Variants in RSPH14 observed in about 807,000 individuals in gnomAD.
RSPH14 encodes the protein radial spoke head 14 homolog, also known as rhabdoid tumor deletion region gene 1.
A neutral mutation model predicts 26.7 loss-of-function variants in RSPH14; 20 were observed. The ratio of observed to expected loss-of-function variants is 0.75; its 90% confidence interval spans 0.53 to 1.09. The LOEUF (loss-of-function observed/expected upper bound fraction) is 1.09. RSPH14 is among the 50% of genes least tolerant of loss of function. The pLI is 0.00. For synonymous variants in RSPH14, 177 were observed against 189.3 expected (o/e 0.93, Z 0.53); for missense variants, 449 against 457.2 (o/e 0.98, Z 0.16).
chr22:23,180,555 G>A, the RSPH14 span: 1 of 180,492 alleles, frequency 5.5e-6, no homozygotes. Context: ...GGCTGGCTGA[G>A]CTTAGCGTCC....
At chr22:23,107,021 C>T (rs568770102) in intron 4 of RSPH14, among the ~76,000 whole-genome samples, 21 of 152,390 alleles carry the variant, frequency 1.4e-4, no homozygotes, top group East Asian at 9.6e-4. Flanking sequence ...GGGAGCAGCA[C>T]GCTCAGCTGT....
Position 23,141,986 on chromosome 22 carries a change from C to A in RSPH14, c.-90G>T. ...CCCTTTCTGCTTCCAGTAGCCCGCG[C>A]CACTGGCCAACCTATTCAGTTGCCA... On this transcript the variant is annotated 5_prime_UTR_variant, in exon 1 of 7. Transcript: ENST00000216036. The A allele has an allele frequency of 1.0e-6, 1 of 985,642 alleles. No individual in the cohort carries two copies. Among genetic ancestry groups the A allele is most frequent in the African/African-American group, 1.7e-5 (1 of 57,388 alleles). The allele number at this position is 985,642 out of a possible 1,614,324, so 61.1% of individuals were successfully genotyped here. A position where few individuals can be genotyped will look rare whatever the true frequency, so the allele number is the denominator to read the frequency against.
At chr22:23,140,196 G>A (rs1318982931) in intron 2 of RSPH14, 26 bp downstream of exon 2, 1 of 1,610,660 alleles carries the variant, frequency 6.2e-7, no homozygotes, top group Non-Finnish European at 8.5e-7. Context: ...CCCCAGTCAT[G>A]GTCACCTGTG....
At chr22:23,130,499 A>AAGAAAGAAAGAAAGAAAGAAC (rs1179229105) in intron 4 of RSPH14, among the ~76,000 whole-genome samples, 1 of 145,156 alleles carries the variant, frequency 6.9e-6, no homozygotes, top group Non-Finnish European at 1.5e-5. Context: ...GGAAAGAAAA[A>AAGAAAGAAAGAAAGAAAGAAC]GAAAGAAAGA....
chr22:23,087,037 C>A (rs5751579), intron 4 of RSPH14, among the ~76,000 whole-genome samples: 3 of 152,052 alleles, frequency 2.0e-5, no homozygotes. Context: ...CTTCCTCATT[C>A]GGCGAGGAGG....
intron 4 of RSPH14, among the ~76,000 whole-genome samples, chr22:23,081,781 C>G (rs1284886880): frequency 7.2e-6 from 1 of 139,686 alleles, no homozygotes. Context: ...GAGATCGTGC[C>G]ACTGCATTCC....
At chr22:23,128,957 G>A (rs774668799) in intron 4 of RSPH14, among the ~76,000 whole-genome samples, 3 of 152,154 alleles carry the variant, frequency 2.0e-5, no homozygotes, top group Non-Finnish European at 2.9e-5. Flanking sequence ...CATACCAATG[G>A]CCACCAGCAT....
intron 3 of RSPH14, among the ~76,000 whole-genome samples, chr22:23,135,218 A>C (rs2070445986): frequency 6.6e-6 from 1 of 151,616 alleles, no homozygotes; most frequent in African/African-American, 2.4e-5. Flanking sequence ...TCACGCCTGT[A>C]ATCCCAGCAC....
At chr22:23,073,160 CTGCTGACCATGGCAGG>C (rs1211404976) in intron 4 of RSPH14, among the ~76,000 whole-genome samples, 1 of 152,260 alleles carries the variant, frequency 6.6e-6, no homozygotes, top group African/African-American at 2.4e-5. Flanking sequence ...ACTCTCACTG[CTGCTGACCATGGCAGG>C]TGCACGGGCA....
At chr22:23,166,147 TAAAAAAAAAA>T in the RSPH14 span, among the ~76,000 whole-genome samples, 248 of 59,888 alleles carry the variant, frequency 4.1e-3, 2 homozygotes, top group African/African-American at 0.017. Context: ...CTCTGTCTTT[TAAAAAAAAAA>T]AAAAAAAAAA....
At chr22:23,081,563 T>C (rs887816576) in intron 4 of RSPH14, among the ~76,000 whole-genome samples, 2 of 151,036 alleles carry the variant, frequency 1.3e-5, no homozygotes, top group African/African-American at 5.0e-5. Flanking sequence ...GGTTCATGCC[T>C]GTAATCCCAG....
intron 4 of RSPH14, among the ~76,000 whole-genome samples, chr22:23,078,643 G>A (rs2068578646): frequency 6.6e-6 from 1 of 152,276 alleles, no homozygotes; most frequent in African/African-American, 2.4e-5. Flanking sequence ...AGGGACCACA[G>A]GGAATGGGCT....
intron 6 of RSPH14, 124 bp downstream of exon 6, chr22:23,061,685 G>GTT (rs371909389): frequency 3.2e-3 from 3,155 of 979,330 alleles, no homozygotes; most frequent in African/African-American, 4.1e-3. Flanking sequence ...CCAAGGGGAG[G>GTT]TTTTTTTTTT....
chr22:23,123,731 C>T (rs1601843669), intron 4 of RSPH14: 1 of 387,404 alleles, frequency 2.6e-6, no homozygotes, highest in East Asian at 4.8e-5. Context: ...CAAGCCCAAC[C>T]TGCCCCTTCA....
At chr22:23,103,134 A>T (rs937689791) in intron 4 of RSPH14, among the ~76,000 whole-genome samples, 3 of 152,216 alleles carry the variant, frequency 2.0e-5, no homozygotes, top group African/African-American at 7.2e-5. Flanking sequence ...GTGAGGGGCT[A>T]GAGCTGGCTC....
chr22:23,105,676 T>C (rs2146344838), intron 4 of RSPH14, among the ~76,000 whole-genome samples: 1 of 152,362 alleles, frequency 6.6e-6, no homozygotes, highest in East Asian at 1.9e-4. Flanking sequence ...TGCAAGCTCC[T>C]GGCCAGGCCT....
At chr22:23,150,143 G>A in the RSPH14 span, 42 of 1,610,874 alleles carry the variant, frequency 2.6e-5, no homozygotes, top group African/African-American at 1.1e-4. Flanking sequence ...GCAGGAACAC[G>A]GGGACTGTCG....
At chr22:23,066,852 G>A (rs1180681976) in intron 4 of RSPH14, among the ~76,000 whole-genome samples, 2 of 152,146 alleles carry the variant, frequency 1.3e-5, no homozygotes, top group East Asian at 1.9e-4. Context: ...GCCATCCATG[G>A]TTTAGAGACA....
upstream of RSPH14, chr22:23,146,671 G>A (rs755907913): frequency 3.7e-6 from 6 of 1,613,686 alleles, no homozygotes; most frequent in African/African-American, 2.7e-5. Flanking sequence ...CCGTGTCATC[G>A]CCAGCTTCCC....
Sources: allele counts gnomAD v4.1 joint callset (sites outside exome capture counted in the v4.1 genomes callset), GRCh38; gene constraint gnomAD v4.1.1; transcripts MANE v1.5; gene names NCBI Gene and HGNC (gene_info 2026-07-23, HGNC 2026-07-21).